The following PTPDC1 variants were observed in gnomAD, a reference collection of about 807,000 sequenced individuals.
PTPDC1 encodes protein tyrosine phosphatase domain-containing protein 1.
PTPDC1 carries 53 observed loss-of-function variants against 75.3 expected under a neutral mutation model. The ratio of observed to expected loss-of-function variants is 0.70; its 90% CI spans 0.56 to 0.88. The LOEUF is 0.88. PTPDC1 is among the 40% of genes least tolerant of loss of function. The pLI is 0.00. For synonymous variants in PTPDC1, 349 were observed against 366.2 expected, an observed-to-expected ratio of 0.95 and a Z score of 0.54; for missense variants, 925 against 998.6, an observed-to-expected ratio of 0.93 and a Z score of 0.99.
At chr9:94,088,897 TCATTTAGACA>T (rs1827174093) in intron 4 of PTPDC1, among the ~76,000 whole-genome samples, 1 of 152,138 alleles carries the variant, frequency 6.6e-6, no homozygotes, top group Non-Finnish European at 1.5e-5. Flanking sequence ...TATTTATCAG[TCATTTAGACA>T]CATTTCCCTG....
intron 1 of PTPDC1, among the ~76,000 whole-genome samples, chr9:94,061,603 A>G (rs1485911832): frequency 6.6e-6 from 1 of 152,226 alleles, no homozygotes; most frequent in African/African-American, 2.4e-5. Flanking sequence ...CCCAAGCTTC[A>G]GCTCTTGCAT....
chr9:94,043,370 G>A (rs147382014), intron 1 of PTPDC1, among the ~76,000 whole-genome samples: 59 of 152,296 alleles, frequency 3.9e-4, no homozygotes, highest in African/African-American at 1.3e-3. Flanking sequence ...TCAGCAAGGT[G>A]TCTGTTCAGA....
chr9:94,085,551 G>A (rs998040077), intron 2 of PTPDC1, 129 bp downstream of exon 2: 2 of 934,084 alleles, frequency 2.1e-6, no homozygotes, highest in African/African-American at 1.7e-5. Flanking sequence ...TTGCCAGTCA[G>A]TTCTGGCTTT....
chr9:94,059,667 AC>A (rs1377401994), intron 1 of PTPDC1, among the ~76,000 whole-genome samples: 6 of 152,062 alleles, frequency 3.9e-5, no homozygotes, highest in African/African-American at 1.4e-4. Context: ...AGTGATTATT[AC>A]CCCCAGCCCC....
chr9:94,046,548 C>G (rs888052378), intron 1 of PTPDC1, among the ~76,000 whole-genome samples: 1 of 152,046 alleles, frequency 6.6e-6, no homozygotes, highest in Non-Finnish European at 1.5e-5. Context: ...TTCTTCTTGA[C>G]GAGGTCCTTC....
intron 2 of PTPDC1, among the ~76,000 whole-genome samples, chr9:94,065,481 G>T (rs1826272635): frequency 1.3e-5 from 2 of 152,218 alleles, no homozygotes; most frequent in Admixed American, 1.3e-4. Flanking sequence ...ACTGTATGGA[G>T]AACTTTGAAG....
In PTPDC1 at chr9:94,075,453, C is replaced by T. The variant is rs544611094; in HGVS notation, c.83-9798C>T. ...GATGTGGCATTTTTAACTGGAGTAGCGTGGGTATTGCCAAAAATATATTCA... is the reference window on the plus strand; with the variant it reads ...GATGTGGCATTTTTAACTGGAGTAGTGTGGGTATTGCCAAAAATATATTCA... On this transcript the variant is annotated intron_variant, in intron 2 of 9. Coordinates refer to the PTPDC1 transcript ENST00000375360. 2.0e-5 allele frequency among the ~76,000 whole-genome samples: 3 copies of T among 152,270 alleles called. No individual in the cohort carries two copies. The South Asian group carries it at 6.2e-4, about 32-fold the overall frequency.
Position 94,069,607 on chromosome 9 carries a change from G to A in PTPDC1, c.82+4786G>A, listed in dbSNP as rs148985228. Among the ~76,000 whole-genome samples, 18 of 143,772 alleles carry A rather than the reference G, an allele frequency of 1.3e-4. No homozygotes were observed. In the East Asian group the frequency reaches 2.5e-3, roughly 20 times the overall value. The allele number at this position is 143,772 out of a possible 152,430, so 94.3% of individuals were successfully genotyped here. ...GCAATCTCTGCTCACTGTAACCTCC[G>A]CCTCCTCTGTTTAAGCAATTCTCCT... is the stretch of plus-strand genomic sequence containing the variant. On this transcript the variant is annotated intron_variant, in intron 2 of 9. Coordinates refer to the PTPDC1 transcript ENST00000375360.
rs768313782 is a variant in PTPDC1 at position 94,102,871 on chromosome 9, C to G, written c.2199+1120C>G. 2.2e-4 allele frequency among the ~76,000 whole-genome samples: 33 copies of G among 152,206 alleles called. 1 individual carries two copies. Among genetic ancestry groups the G allele is most frequent in the Non-Finnish European group, 1.2e-4 (8 of 68,030 alleles). ...GGGATTACAGGCATGAGCCACCATG[C>G]CAGGCCTGTTTTTGTTTTAACAAAC... is the stretch of plus-strand genomic sequence containing the variant. On this transcript the variant is annotated intron_variant, in intron 7 of 8. Transcript: ENST00000620992.
intron 1 of PTPDC1, among the ~76,000 whole-genome samples, chr9:94,042,108 T>G (rs1183325763): frequency 2.6e-5 from 4 of 152,228 alleles, no homozygotes; most frequent in Admixed American, 2.6e-4. Context: ...TCCCAGTCCA[T>G]AGTGAGAAAT....
chr9:94,085,591 C>G (rs1827044048), intron 2 of PTPDC1, among the ~76,000 whole-genome samples, 169 bp downstream of exon 2: 1 of 152,126 alleles, frequency 6.6e-6, no homozygotes, highest in African/African-American at 2.4e-5. Context: ...GGCCTATTGA[C>G]CCTCAGTTTC....
At chr9:94,086,189 T>C (rs1198967753) in intron 2 of PTPDC1, among the ~76,000 whole-genome samples, 1 of 152,220 alleles carries the variant, frequency 6.6e-6, no homozygotes, top group Non-Finnish European at 1.5e-5. Flanking sequence ...TTGGATTTGC[T>C]CAGTACATCT....
rs1038256434 is a variant in PTPDC1, at chr9:94,107,893, G to A, written c.2376G>A (p.Thr792=). 8.1e-6 allele frequency: 13 copies of A among 1,609,696 alleles called. No individual in the cohort carries two copies. The highest frequency in any genetic ancestry group is 1.3e-5 in the African/African-American group (1 of 74,736). The change falls in exon 9 of 9, where the codon ACG becomes ACA. Residue 792 remains threonine, a synonymous_variant. Coordinates refer to ENST00000620992, the MANE Select transcript of PTPDC1 (RefSeq NM_001253829.2). ...YNTLKKIFKH[T]LEEKRKMTKD... is the part of the protein sequence containing the mutation. ...CCCTGAAGAAAATATTTAAGCACAC[G>A]CTGGAAGAAAAAAGAAAAATGACAA...
chr9:94,098,821 C>T (rs1827727625), intron 6 of PTPDC1: 1 of 545,800 alleles, frequency 1.8e-6, no homozygotes, highest in East Asian at 3.2e-5. Flanking sequence ...ATGCTTGACC[C>T]ACACAAGGCA....
At chr9:94,061,201 T>C (rs1326987851) in intron 1 of PTPDC1, among the ~76,000 whole-genome samples, 1 of 152,176 alleles carries the variant, frequency 6.6e-6, no homozygotes, top group African/African-American at 2.4e-5. Flanking sequence ...AGCAGGGCAC[T>C]CATTCAACCT....
rs769589640 is a variant in PTPDC1, at chr9:94,087,817, C to A, written c.417-14C>A. On this transcript the variant is annotated splice_polypyrimidine_tract_variant and intron_variant, in intron 2 of 8. Transcript: ENST00000620992. ...GTTTCAGCACATCTCACCAGTCCCT[C>A]CACCTATTTGCAGGGTCACTGATAA... is the stretch of plus-strand genomic sequence containing the variant. 6.2e-7 allele frequency: 1 copy of A among 1,601,040 alleles called. No individual in the cohort carries two copies. The highest frequency in any genetic ancestry group is 1.7e-5 in the Admixed American group (1 of 59,966).
At chr9:94,088,080 C>A in intron 3 of PTPDC1, 65 bp from the exon 4 acceptor site, 1 of 1,572,340 alleles carries the variant, frequency 6.4e-7, no homozygotes, top group South Asian at 1.2e-5. Context: ...TGATTAATAC[C>A]AAAAATGGTT....
At chr9:94,064,850 T>A (rs1826252429) in intron 2 of PTPDC1, 1 of 1,526,602 alleles carries the variant, frequency 6.6e-7, no homozygotes, top group Admixed American at 1.7e-5. Context: ...ACTTTTTGTC[T>A]CTCTGTGCAA....
intron 4 of PTPDC1, among the ~76,000 whole-genome samples, chr9:94,090,561 G>A (rs1477291717): frequency 2.6e-4 from 28 of 107,376 alleles, no homozygotes; most frequent in African/African-American, 1.0e-3. Context: ...TTGGTGATGC[G>A]GGCTCTTTTT....
Sources: gnomAD v4.1 joint callset for allele counts (sites outside exome capture counted in the v4.1 genomes callset) on GRCh38, gnomAD v4.1.1 for gene constraint, MANE v1.5 for transcripts, NCBI Gene and HGNC (gene_info 2026-07-23, HGNC 2026-07-21) for gene names.